The following ITGB3BP variants were observed in gnomAD, a reference collection of about 807,000 sequenced individuals.
ITGB3BP encodes the protein centromere protein R.
In ITGB3BP, 27 loss-of-function variants were observed where a neutral mutation model predicts 29.1. That is an observed-to-expected ratio of 0.93 (90% CI 0.68 to 1.28). ITGB3BP has a LOEUF of 1.28. ITGB3BP is among the 50% of genes most tolerant of loss of function. ITGB3BP has a pLI of 0.00. For missense variants in ITGB3BP, 192 were observed against 200.2 expected (o/e 0.96, Z 0.25); for synonymous variants, 61 against 61.4 (o/e 0.99, Z 0.03).
intron 1 of ITGB3BP, among the ~76,000 whole-genome samples, chr1:63,516,697 A>C (rs1256308787): frequency 6.7e-6 from 1 of 148,758 alleles, no homozygotes; most frequent in East Asian, 2.0e-4. Context: ...GTGACAGAGT[A>C]AGACCTTGTT....
At chr1:63,502,769 G>GT (rs1414940371) in intron 2 of ITGB3BP, among the ~76,000 whole-genome samples, 17 of 150,500 alleles carry the variant, frequency 1.1e-4, no homozygotes, top group Admixed American at 1.1e-3. Flanking sequence ...GCGGTGTTTG[G>GT]TTTTTTGTCC....
chr1:63,457,434 A>G (rs1218684967), intron 4 of ITGB3BP: 1 of 152,106 alleles, frequency 6.6e-6, no homozygotes, highest in Non-Finnish European at 1.5e-5. Context: ...GCATGGTTCA[A>G]ATTTCACTTT....
At chr1:63,503,564 G>A (rs1645994392) in intron 2 of ITGB3BP, among the ~76,000 whole-genome samples, 1 of 152,164 alleles carries the variant, frequency 6.6e-6, no homozygotes, top group Admixed American at 6.5e-5. Context: ...TGCTTTTGGT[G>A]TTTTAGACAT....
intron 2 of ITGB3BP, among the ~76,000 whole-genome samples, chr1:63,508,141 CTAA>C (rs1646121356): frequency 1.3e-5 from 2 of 152,114 alleles, no homozygotes; most frequent in South Asian, 2.1e-4. Flanking sequence ...AAAAATGCTA[CTAA>C]TGTTTTCATT....
intron 1 of ITGB3BP, among the ~76,000 whole-genome samples, chr1:63,517,742 T>C (rs925623997): frequency 9.9e-5 from 15 of 152,188 alleles, no homozygotes; most frequent in Admixed American, 2.0e-4. Context: ...TTGTTTTTGT[T>C]TGTCTTGAGA....
At chr1:63,475,449 G>A (rs1272091816) in intron 4 of ITGB3BP, among the ~76,000 whole-genome samples, 2 of 152,200 alleles carry the variant, frequency 1.3e-5, no homozygotes, top group East Asian at 1.9e-4. Flanking sequence ...TAGCTACTCA[G>A]GAGGCTGAGG....
chr1:63,493,088 A>AAACGCGCGCG (rs1553164246), intron 2 of ITGB3BP, among the ~76,000 whole-genome samples: 1 of 148,726 alleles, frequency 6.7e-6, no homozygotes, highest in Non-Finnish European at 1.5e-5. Flanking sequence ...ACACACACAC[A>AAACGCGCGCG]CGCGCGCGCG....
intron 4 of ITGB3BP, among the ~76,000 whole-genome samples, chr1:63,472,181 G>A (rs777536399): frequency 1.3e-5 from 2 of 151,470 alleles, no homozygotes; most frequent in Non-Finnish European, 2.9e-5. Context: ...TTGTCCTAAG[G>A]CTGATTAGTA....
chr1:63,502,315 T>C (rs7418346), intron 2 of ITGB3BP, among the ~76,000 whole-genome samples: 111,501 of 152,024 alleles, frequency 0.73, 42,985 homozygotes, highest in Non-Finnish European at 0.85. Context: ...ACTGGCAGTA[T>C]ACATCCCGTA....
At chr1:63,444,677 C>A (rs1644769823) in intron 8 of ITGB3BP, among the ~76,000 whole-genome samples, 1 of 145,092 alleles carries the variant, frequency 6.9e-6, no homozygotes. Context: ...TCTCCTATTA[C>A]ATATAGGATT....
chr1:63,448,005 A>C (rs1007553751), intron 7 of ITGB3BP, among the ~76,000 whole-genome samples: 19 of 152,168 alleles, frequency 1.2e-4, no homozygotes, highest in Non-Finnish European at 2.4e-4. Flanking sequence ...AGCCATAAAA[A>C]ATGGTGAGTT....
At chr1:63,505,534 T>C (rs2100759450) in intron 2 of ITGB3BP, among the ~76,000 whole-genome samples, 1 of 152,324 alleles carries the variant, frequency 6.6e-6, no homozygotes, top group East Asian at 1.9e-4. Flanking sequence ...TGATCTTAGG[T>C]ATTTCTTGCC....
intron 3 of ITGB3BP, among the ~76,000 whole-genome samples, chr1:63,486,744 A>T (rs1207001842): frequency 2.6e-5 from 4 of 152,026 alleles, no homozygotes; most frequent in Admixed American, 2.6e-4. Flanking sequence ...TGTGGGTTTC[A>T]TGGTGTTAGT....
At chr1:63,479,344 C>A (rs1159516449) in intron 3 of ITGB3BP, among the ~76,000 whole-genome samples, 1 of 152,036 alleles carries the variant, frequency 6.6e-6, no homozygotes, top group Admixed American at 6.6e-5. Flanking sequence ...TTTAAACTGA[C>A]ACAATATTTA....
upstream of ITGB3BP, among the ~76,000 whole-genome samples, chr1:63,524,496 G>T (rs1425174579): frequency 1.3e-5 from 2 of 152,140 alleles, no homozygotes; most frequent in African/African-American, 4.8e-5. Context: ...ATTCGAAAAG[G>T]TGCAAGTGAT....
At chr1:63,502,032 T>C (rs1386633071) in intron 2 of ITGB3BP, among the ~76,000 whole-genome samples, 1 of 152,166 alleles carries the variant, frequency 6.6e-6, no homozygotes, top group Non-Finnish European at 1.5e-5. Context: ...AACCGTAGCA[T>C]CTTCTATTCT....
At chr1:63,479,318 A>C (rs75765949) in intron 3 of ITGB3BP, among the ~76,000 whole-genome samples, 3,255 of 152,232 alleles carry the variant, frequency 0.021, 125 homozygotes, top group African/African-American at 0.074. Flanking sequence ...GGGTAAAAGT[A>C]CCTTTTAATT....
At chr1:63,508,677 A>G (rs2100774196) in intron 1 of ITGB3BP, 107 bp from the exon 2 acceptor site, 1 of 537,276 alleles carries the variant, frequency 1.9e-6, no homozygotes, top group Non-Finnish European at 3.3e-6. Context: ...TCTACCAACC[A>G]ATTTTTATAT....
chr1:63,471,930 G>A (rs1645204093), intron 4 of ITGB3BP, among the ~76,000 whole-genome samples: 1 of 151,926 alleles, frequency 6.6e-6, no homozygotes, highest in Admixed American at 6.6e-5. Flanking sequence ...GACTACAGGT[G>A]CAAGCCACCA....
Sources: allele counts gnomAD v4.1 joint callset (sites outside exome capture counted in the v4.1 genomes callset), GRCh38; gene constraint gnomAD v4.1.1; transcripts MANE v1.5; gene names NCBI Gene and HGNC (gene_info 2026-07-23, HGNC 2026-07-21).